NME9: variants seen among roughly 807,000 people sequenced by gnomAD.
The protein encoded by NME9 is NME/NM23 family member 9.
A neutral mutation model predicts 44.4 loss-of-function variants in NME9; 48 were observed. That is an observed-to-expected ratio of 1.08 (90% CI 0.86 to 1.37). NME9 has a LOEUF of 1.37. NME9 is among the 40% of genes most tolerant of loss of function. The pLI is 0.00. For synonymous variants in NME9, 139 were observed against 147.1 expected (o/e 0.94, Z 0.40); for missense variants, 325 against 405.2 (o/e 0.80, Z 1.70).
At chr3:138,273,259 G>A (rs1045351127) in intron 8 of NME9, 6 of 874,078 alleles carry the variant, frequency 6.9e-6, no homozygotes, top group Non-Finnish European at 1.0e-5. Context: ...AGGAGTTGAT[G>A]TCTAAACCTG....
intron 9 of NME9, 32 bp downstream of exon 9, chr3:138,304,841 A>G (rs1560093513): frequency 6.2e-7 from 1 of 1,605,660 alleles, no homozygotes. Flanking sequence ...AGGTTTTAAG[A>G]TGGATGAAAG....
In NME9 at chr3:138,295,964, G is replaced by C. The variant is rs376730682; in HGVS notation, c.745+7543C>G. 1.4e-5 allele frequency: 21 copies of C among 1,536,044 alleles called. No homozygotes were observed. In the African/African-American group the frequency reaches 2.5e-4, roughly 18 times the overall value. On this transcript the variant is annotated intron_variant, in intron 8 of 8. Coordinates refer to the NME9 transcript ENST00000317876. ...GGAAGTACAGGAACCAGCCTCATTT[G>C]ATTCCTTCTATTTGCACAAGTCACC...
chr3:138,263,973 A>G, intron 8 of NME9: 1 of 953,018 alleles, frequency 1.0e-6, no homozygotes, highest in Non-Finnish European at 1.6e-6. Context: ...TCTAACAGAG[A>G]GCCTGGCCTC....
At chr3:138,280,484 CTTTCTTTTT>C (rs1311270859) in intron 8 of NME9, among the ~76,000 whole-genome samples, 7 of 141,234 alleles carry the variant, frequency 5.0e-5, no homozygotes, top group African/African-American at 1.1e-4. Context: ...TGCCTGGTTA[CTTTCTTTTT>C]TTTCTTTTTT....
At chr3:138,301,909 A>G (rs761821987) in intron 10 of NME9, among the ~76,000 whole-genome samples, 2 of 152,250 alleles carry the variant, frequency 1.3e-5, no homozygotes, top group Non-Finnish European at 2.9e-5. Context: ...ATGCCAGACC[A>G]AGAGCTTTAC....
intron 8 of NME9, among the ~76,000 whole-genome samples, chr3:138,276,222 A>G (rs184472892): frequency 3.3e-4 from 51 of 152,350 alleles, no homozygotes; most frequent in African/African-American, 1.2e-3. Flanking sequence ...CACTAGCTAG[A>G]AGTTTAATGC....
At chr3:138,293,052 G>A (rs1390592466) in intron 8 of NME9, among the ~76,000 whole-genome samples, 4 of 152,144 alleles carry the variant, frequency 2.6e-5, no homozygotes, top group Non-Finnish European at 5.9e-5. Context: ...TCCAGGCTTT[G>A]CCAGGGATGC....
At chr3:138,267,093 T>C in intron 8 of NME9, 1 of 831,372 alleles carries the variant, frequency 1.2e-6, no homozygotes, top group Non-Finnish European at 1.9e-6. Context: ...ATTTTATATC[T>C]CATTTTATAT....
intron 8 of NME9, among the ~76,000 whole-genome samples, chr3:138,269,711 G>T (rs780168756): frequency 2.0e-5 from 3 of 152,118 alleles, no homozygotes; most frequent in Non-Finnish European, 4.4e-5. Context: ...CTAGGTAATG[G>T]GATCATAAGG....
chr3:138,261,817 A>G (rs2047772293), exon 9 of NME9: 1 of 152,218 alleles, frequency 6.6e-6, no homozygotes, highest in Non-Finnish European at 1.5e-5. Flanking sequence ...AGTAAAGAAA[A>G]CAGCAAAAGC....
At chr3:138,300,031 A>C (rs1286247994), downstream of NME9, among the ~76,000 whole-genome samples, 2 of 151,132 alleles carry the variant, frequency 1.3e-5, no homozygotes, top group Non-Finnish European at 2.9e-5. Context: ...TATGGGCCCC[A>C]CTCTTGAGCC....
chr3:138,284,409 T>C, intron 8 of NME9: 1 of 1,588,436 alleles, frequency 6.3e-7, no homozygotes, highest in Non-Finnish European at 8.6e-7. Context: ...TTCCTGACTG[T>C]TGGCCCTTTG....
In NME9 at chr3:138,329,300, T is replaced by C. The variant is rs2053981676; in HGVS notation, c.33+3A>G. ...CTGGAAGCTAGCGCCCCTTGAGGCT[T>C]ACCTGCAGGGCAATTTCCTTCTTCC... On this transcript the variant is annotated splice_donor_region_variant and intron_variant, in intron 1 of 10. Coordinates refer to ENST00000333911, the MANE Select transcript of NME9 (RefSeq NM_001349018.2). 1.3e-6 allele frequency: 2 copies of C among 1,535,894 alleles called. No homozygotes were observed. Among genetic ancestry groups the C allele is most frequent in the Non-Finnish European group, 1.7e-6 (2 of 1,146,740 alleles).
chr3:138,305,313 A>C (rs1301203163), intron 8 of NME9, among the ~76,000 whole-genome samples: 1 of 152,162 alleles, frequency 6.6e-6, no homozygotes, highest in African/African-American at 2.4e-5. Context: ...AGATTATATA[A>C]ATTAGGCAGA....
At chr3:138,299,932 T>C (rs2051753909), downstream of NME9, among the ~76,000 whole-genome samples, 1 of 152,076 alleles carries the variant, frequency 6.6e-6, no homozygotes, top group Non-Finnish European at 1.5e-5. Context: ...TCCAAGTAGC[T>C]CATTCAGAGC....
intron 8 of NME9, among the ~76,000 whole-genome samples, chr3:138,282,720 G>A (rs569374379): frequency 6.6e-6 from 1 of 151,358 alleles, no homozygotes; most frequent in African/African-American, 2.4e-5. Flanking sequence ...TATAGGGAAA[G>A]CAACGATAAT....
chr3:138,315,103 G>A (rs1388220034), intron 5 of NME9, among the ~76,000 whole-genome samples: 3 of 152,156 alleles, frequency 2.0e-5, no homozygotes, highest in Non-Finnish European at 4.4e-5. Context: ...TTAATTTCTA[G>A]GTTAAAGAAA....
intron 8 of NME9, among the ~76,000 whole-genome samples, chr3:138,279,457 G>A (rs2049652971): frequency 6.6e-6 from 1 of 152,008 alleles, no homozygotes; most frequent in African/African-American, 2.4e-5. Flanking sequence ...CTGAAATTTG[G>A]TAAGGAGTGT....
chr3:138,279,939 G>C (rs1414097528), intron 8 of NME9, among the ~76,000 whole-genome samples: 1 of 151,406 alleles, frequency 6.6e-6, no homozygotes, highest in Non-Finnish European at 1.5e-5. Flanking sequence ...GAGTCTCGCT[G>C]TGTCACCCAG....
Sources: gnomAD v4.1 joint callset for allele counts (sites outside exome capture counted in the v4.1 genomes callset) on GRCh38, gnomAD v4.1.1 for gene constraint, MANE v1.5 for transcripts, NCBI Gene and HGNC (gene_info 2026-07-23, HGNC 2026-07-21) for gene names.